The following KAZN variants were observed in gnomAD, a reference collection of about 807,000 sequenced individuals.
KAZN encodes kazrin.
Under a neutral mutation model 87.4 loss-of-function variants are expected in KAZN, and 40 were observed. The ratio of observed to expected loss-of-function variants is 0.46; its 90% CI spans 0.36 to 0.60. KAZN has a LOEUF of 0.60. Ranked by LOEUF, KAZN falls within the 20% of genes least tolerant of loss-of-function variation. The pLI is 0.00. For missense variants in KAZN, 898 were observed against 1,073.9 expected, an observed-to-expected ratio of 0.84 and a Z score of 2.29; for synonymous variants, 466 against 458.3, an observed-to-expected ratio of 1.02 and a Z score of -0.22.
intron 1 of KAZN, chr1:14,692,108 C>T: frequency 3.3e-6 from 1 of 305,532 alleles, no homozygotes; most frequent in Admixed American, 5.2e-5. Flanking sequence ...GCAAACATCA[C>T]CCTGTACAAG....
At chr1:13,968,599 A>T (rs1642026973) in intron 1 of KAZN, among the ~76,000 whole-genome samples, 1 of 152,166 alleles carries the variant, frequency 6.6e-6, no homozygotes, top group South Asian at 2.1e-4. Flanking sequence ...TTTTGTCCCT[A>T]CTGTGGAGGC....
At chr1:14,663,165 C>T (rs1639305376) in intron 1 of KAZN, among the ~76,000 whole-genome samples, 1 of 151,904 alleles carries the variant, frequency 6.6e-6, no homozygotes, top group Admixed American at 6.6e-5. Context: ...TCCATACAGA[C>T]AGAATCTCAC....
At chr1:13,915,738 T>TAG (rs34265385) in intron 1 of KAZN, among the ~76,000 whole-genome samples, 24 of 150,668 alleles carry the variant, frequency 1.6e-4, no homozygotes, top group Non-Finnish European at 2.7e-4. Flanking sequence ...TTTTTAGCAC[T>TAG]AGAGAGAGAG....
At chr1:14,554,545 T>G (rs1440218264) in intron 2 of KAZN, among the ~76,000 whole-genome samples, 6 of 152,184 alleles carry the variant, frequency 3.9e-5, no homozygotes, top group African/African-American at 1.4e-4. Context: ...GCGTCCCCTT[T>G]GAAACTTTCA....
At chr1:14,229,816 G>A (rs1325100954) in intron 2 of KAZN, among the ~76,000 whole-genome samples, 1 of 152,268 alleles carries the variant, frequency 6.6e-6, no homozygotes, top group Non-Finnish European at 1.5e-5. Flanking sequence ...CTGAAAAATT[G>A]AGTCTCTCTC....
chr1:14,332,384 T>C (rs79437057), intron 2 of KAZN, among the ~76,000 whole-genome samples: 2 of 152,210 alleles, frequency 1.3e-5, no homozygotes, highest in East Asian at 3.9e-4. Context: ...TGTCCACCTT[T>C]GGGGATAATG....
intron 8 of KAZN, among the ~76,000 whole-genome samples, chr1:15,086,222 C>T (rs1470057351): frequency 1.3e-5 from 2 of 151,954 alleles, no homozygotes; most frequent in Non-Finnish European, 2.9e-5. Context: ...CCACCTGCCT[C>T]GGCCTCCCAA....
intron 2 of KAZN, among the ~76,000 whole-genome samples, chr1:14,398,053 G>C (rs935397673): frequency 1.3e-5 from 2 of 152,100 alleles, no homozygotes; most frequent in Non-Finnish European, 1.5e-5. Context: ...AGTGAGTCTA[G>C]CCAAGATAAG....
At chr1:14,943,007 G>GGT (rs58102946) in intron 1 of KAZN, among the ~76,000 whole-genome samples, 8,287 of 100,584 alleles carry the variant, frequency 0.082, 296 homozygotes, top group Non-Finnish European at 0.11. Context: ...GTGTGTGTGT[G>GGT]GTGTGTGTGT....
At chr1:14,658,398 T>G (rs1638932076) in intron 1 of KAZN, among the ~76,000 whole-genome samples, 1 of 152,200 alleles carries the variant, frequency 6.6e-6, no homozygotes, top group African/African-American at 2.4e-5. Flanking sequence ...TCACCAACTC[T>G]GAGCCTCAGT....
At chr1:14,278,595 T>C (rs767674156) in intron 2 of KAZN, among the ~76,000 whole-genome samples, 5 of 152,146 alleles carry the variant, frequency 3.3e-5, no homozygotes, top group Non-Finnish European at 7.4e-5. Context: ...TGGTCTTCAT[T>C]CTTAATCTGA....
At chr1:14,302,560 A>T (rs1654626694) in intron 2 of KAZN, among the ~76,000 whole-genome samples, 1 of 152,242 alleles carries the variant, frequency 6.6e-6, no homozygotes, top group African/African-American at 2.4e-5. Flanking sequence ...AATAAAGGTT[A>T]GATTCCAGGT....
intron 1 of KAZN, among the ~76,000 whole-genome samples, chr1:14,128,688 G>A (rs1487852500): frequency 6.6e-6 from 1 of 152,044 alleles, no homozygotes; most frequent in Non-Finnish European, 1.5e-5. Context: ...TGAGATACTG[G>A]GGGTTAGGAC....
At chr1:14,006,801 C>A (rs189330885) in intron 1 of KAZN, among the ~76,000 whole-genome samples, 1 of 152,002 alleles carries the variant, frequency 6.6e-6, no homozygotes, top group Non-Finnish European at 1.5e-5. Context: ...ATTGCTTTGG[C>A]TATTTGGGTA....
intron 1 of KAZN, among the ~76,000 whole-genome samples, chr1:14,858,790 G>T (rs1650474377): frequency 6.6e-6 from 1 of 152,180 alleles, no homozygotes; most frequent in African/African-American, 2.4e-5. Flanking sequence ...CTTGCATTGA[G>T]AGACCTTAAC....
intron 2 of KAZN, among the ~76,000 whole-genome samples, chr1:14,468,928 G>T (rs1231275759): frequency 2.6e-5 from 4 of 152,086 alleles, no homozygotes; most frequent in African/African-American, 4.8e-5. Flanking sequence ...TCAGTCTTTG[G>T]CTTCATCTTG....
At chr1:14,739,240 T>C (rs1163601775) in intron 1 of KAZN, among the ~76,000 whole-genome samples, 1 of 152,192 alleles carries the variant, frequency 6.6e-6, no homozygotes, top group East Asian at 1.9e-4. Context: ...TTTTAATCGA[T>C]GCTGTGCCAG....
chr1:14,070,966 T>C (rs1209513768), intron 1 of KAZN, among the ~76,000 whole-genome samples: 1 of 152,140 alleles, frequency 6.6e-6, no homozygotes, highest in Non-Finnish European at 1.5e-5. Flanking sequence ...TCATATCGAA[T>C]AAGTCGTTGA....
At chr1:14,833,998 C>CACACACAT (rs1647134156) in intron 1 of KAZN, among the ~76,000 whole-genome samples, 2 of 150,774 alleles carry the variant, frequency 1.3e-5, no homozygotes, top group Non-Finnish European at 3.0e-5. Context: ...CACACACACA[C>CACACACAT]ACACACACAC....
Sources: allele counts gnomAD v4.1 joint callset (sites outside exome capture counted in the v4.1 genomes callset), GRCh38; gene constraint gnomAD v4.1.1; transcripts MANE v1.5; gene names NCBI Gene and HGNC (gene_info 2026-07-23, HGNC 2026-07-21).